SH3TC2: variants seen among roughly 807,000 people sequenced by gnomAD.
The protein encoded by SH3TC2 is SH3 domain and tetratricopeptide repeats 2, also known as SH3 domain and tetratricopeptide repeat-containing protein 2.
SH3TC2 carries 87 observed loss-of-function variants against 124.5 expected under a neutral mutation model. The ratio of observed to expected loss-of-function variants is 0.70; its 90% CI spans 0.59 to 0.84. The LOEUF is 0.84. SH3TC2 is among the 40% of genes least tolerant of loss of function. SH3TC2 has a pLI of 0.00. For synonymous variants in SH3TC2, 634 were observed against 628.5 expected (o/e 1.01, Z -0.13); for missense variants, 1,536 against 1,566.4 (o/e 0.98, Z 0.33).
intron 12 of SH3TC2, among the ~76,000 whole-genome samples, chr5:149,018,950 C>T (rs961458667): frequency 1.3e-5 from 2 of 152,212 alleles, no homozygotes; most frequent in Admixed American, 6.5e-5. Flanking sequence ...CTACAAACCT[C>T]CCCCTACAGA....
chr5:149,060,964 T>C (rs1013824939), intron 1 of SH3TC2, among the ~76,000 whole-genome samples: 6 of 152,042 alleles, frequency 3.9e-5, no homozygotes, highest in Non-Finnish European at 8.8e-5. Flanking sequence ...CTAGGATAAA[T>C]AGGGGAATCT....
chr5:149,031,104 A>G (rs1754184144), intron 9 of SH3TC2, among the ~76,000 whole-genome samples: 1 of 152,208 alleles, frequency 6.6e-6, no homozygotes, highest in South Asian at 2.1e-4. Context: ...TTCTTATCCT[A>G]GCTCAGGCAC....
chr5:149,058,578 T>A (rs977828945), intron 1 of SH3TC2, among the ~76,000 whole-genome samples: 6 of 152,076 alleles, frequency 3.9e-5, no homozygotes, highest in East Asian at 1.9e-4. Flanking sequence ...TTTTTTTTTT[T>A]AATATACTTG....
intron 9 of SH3TC2, among the ~76,000 whole-genome samples, chr5:149,030,609 G>A (rs1450212879): frequency 6.6e-6 from 1 of 152,250 alleles, no homozygotes; most frequent in Non-Finnish European, 1.5e-5. Context: ...CTTGTGGCAA[G>A]AAAGCTCTGC....
rs575621364 is a variant in SH3TC2, at chr5:148,988,504, G to A, written c.*16207C>T. Among the ~76,000 whole-genome samples, 11 of 152,306 alleles carry A rather than the reference G, an allele frequency of 7.2e-5. No individual in the cohort carries two copies. In the South Asian group the frequency reaches 2.3e-3, roughly 32 times the overall value. On this transcript the variant is annotated 3_prime_UTR_variant, in exon 17 of 17. Transcript: ENST00000515425. ...TAATCTCCTGGAATGCTAGCTCTTG[G>A]AATGCACTCTCTTGGAACCAGCCAC...
In SH3TC2 at chr5:149,027,416, A is replaced by G; in HGVS notation, c.2316T>C (p.Ser772=). The G allele has an allele frequency of 6.2e-7, 1 of 1,614,126 alleles. No homozygotes were observed. The highest frequency in any genetic ancestry group is 1.3e-5 in the African/African-American group (1 of 75,056). ...TCAGGTAGTGGATGGCACCGTCAGG[A>G]GACCTGTGCTCGAGGTACACTTTGG... is the stretch of plus-strand genomic sequence containing the variant. ...ILSKVYLEHR[S]PDGAIHYLSQ... The change falls in exon 11 of 17, where the codon TCT becomes TCC. Residue 772 remains serine, a synonymous_variant. Coordinates refer to ENST00000515425, the MANE Select transcript of SH3TC2 (RefSeq NM_024577.4).
chr5:149,023,583 C>T (rs1580897625), intron 12 of SH3TC2, among the ~76,000 whole-genome samples: 1 of 107,258 alleles, frequency 9.3e-6, no homozygotes, highest in Non-Finnish European at 1.9e-5. Context: ...TAGTGTAATC[C>T]TTTTTTTTTT....
At position 149,023,583 on chromosome 5, in the gene SH3TC2, C is replaced by CTTTT. The variant is rs5872108; in HGVS notation, c.3053+2985_3053+2988dup. ...TATAACCTTCAATAATAGTGTAATC[C>CTTTT]TTTTTTTTTTTTTTTTTTGAGAGAC... On this transcript the variant is annotated intron_variant, in intron 12 of 16. Coordinates refer to ENST00000515425, the MANE Select transcript of SH3TC2 (RefSeq NM_024577.4). Among the ~76,000 whole-genome samples, 13 of 107,246 alleles carry CTTTT rather than the reference C, an allele frequency of 1.2e-4. No individual in the cohort carries two copies. In the East Asian group the frequency reaches 3.2e-3, roughly 27 times the overall value. The allele number at this position is 107,246 out of a possible 152,430, so 70.4% of individuals were successfully genotyped here.
In SH3TC2 at chr5:149,001,015, T is replaced by G. The variant is rs928806569; in HGVS notation, c.*3696A>C. On this transcript the variant is annotated 3_prime_UTR_variant, in exon 17 of 17. Coordinates refer to ENST00000515425, the MANE Select transcript of SH3TC2 (RefSeq NM_024577.4). ...ACTTGCCCAAGGTCGCACTGCAATTTAATATCAAAATCAAGACCAAAATAC... is the reference window on the plus strand; with the variant it reads ...ACTTGCCCAAGGTCGCACTGCAATTGAATATCAAAATCAAGACCAAAATAC... Among the ~76,000 whole-genome samples the G allele has an allele frequency of 6.6e-6, 1 of 152,136 alleles. No individual in the cohort carries two copies. The highest frequency in any genetic ancestry group is 1.5e-5 in the Non-Finnish European group (1 of 68,022).
intron 12 of SH3TC2, among the ~76,000 whole-genome samples, chr5:149,013,392 C>A (rs900826654): frequency 1.3e-5 from 2 of 152,170 alleles, no homozygotes; most frequent in Non-Finnish European, 2.9e-5. Context: ...GCCTCCCCAG[C>A]CATATGGAAC....
rs1754386112 is a variant in SH3TC2 at position 149,042,380 on chromosome 5, T to C, written c.529+314A>G. 3.3e-5 allele frequency among the ~76,000 whole-genome samples: 5 copies of C among 152,230 alleles called. No homozygotes were observed. The South Asian group carries it at 1.0e-3, about 32-fold the overall frequency. On this transcript the variant is annotated intron_variant, in intron 5 of 16. Transcript: ENST00000515425. ...GACATTAGACTTATGTGGAAAACTT[T>C]CCAAAATATGCCAATACTTGGGCCT... is the stretch of plus-strand genomic sequence containing the variant.
chr5:149,056,678 C>T (rs1422352441), intron 1 of SH3TC2, among the ~76,000 whole-genome samples: 1 of 151,976 alleles, frequency 6.6e-6, no homozygotes, highest in Non-Finnish European at 1.5e-5. Context: ...ATCCCATGAG[C>T]CAGAAGGGCA....
At chr5:149,030,162 T>G (rs925499291) in intron 9 of SH3TC2, among the ~76,000 whole-genome samples, 1 of 152,188 alleles carries the variant, frequency 6.6e-6, no homozygotes, top group Admixed American at 6.5e-5. Context: ...CCACCTCTTC[T>G]CTTCTGGCCA....
In SH3TC2 at chr5:148,994,337, A is replaced by C. The variant is rs1247180550; in HGVS notation, c.*10374T>G. 1.3e-5 allele frequency among the ~76,000 whole-genome samples: 2 copies of C among 152,228 alleles called. No individual in the cohort carries two copies. The highest frequency in any genetic ancestry group is 4.8e-5 in the African/African-American group (2 of 41,448). On this transcript the variant is annotated 3_prime_UTR_variant, in exon 17 of 17. Transcript: ENST00000515425. ...CAATTACTTCTTGCAGGTAGGAGAA[A>C]TTAAGAGAAGTCAATGATATAATAA...
chr5:149,037,456 C>A (rs1754301830), intron 8 of SH3TC2, among the ~76,000 whole-genome samples: 1 of 152,212 alleles, frequency 6.6e-6, no homozygotes, highest in Non-Finnish European at 1.5e-5. Flanking sequence ...TTACAGGGAG[C>A]TTCTGCCCCT....
chr5:149,023,014 A>G (rs1048388589), intron 12 of SH3TC2, among the ~76,000 whole-genome samples: 2 of 152,242 alleles, frequency 1.3e-5, no homozygotes, highest in African/African-American at 4.8e-5. Context: ...TTCATACTTC[A>G]AAAGGCTGAA....
Position 149,000,806 on chromosome 5 carries a change from G to A in SH3TC2, c.*3905C>T, listed in dbSNP as rs900425111. Among the ~76,000 whole-genome samples, 2 of 152,126 alleles carry A rather than the reference G, an allele frequency of 1.3e-5. No individual in the cohort carries two copies. The highest frequency in any genetic ancestry group is 4.8e-5 in the African/African-American group (2 of 41,430). On this transcript the variant is annotated 3_prime_UTR_variant, in exon 17 of 17. Coordinates refer to ENST00000515425, the MANE Select transcript of SH3TC2 (RefSeq NM_024577.4). ...GTGTCTGGGAGAAAGTTACCCTTCT[G>A]TTCCTCAGTTTACTCACCTGTAAAA...
rs114694386 is a variant in SH3TC2, at chr5:148,988,445, G to T, written c.*16266C>A. ...AGATGTGACACTGTGTGACTTCTGA[G>T]GCCAGGTCATAGGAAGCTTTGCAGC... is the stretch of plus-strand genomic sequence containing the variant. On this transcript the variant is annotated 3_prime_UTR_variant, in exon 17 of 17. Coordinates refer to ENST00000515425, the MANE Select transcript of SH3TC2 (RefSeq NM_024577.4). Among the ~76,000 whole-genome samples, 17 of 152,278 alleles carry T rather than the reference G, an allele frequency of 1.1e-4. No individual in the cohort carries two copies. Among genetic ancestry groups the T allele is most frequent in the African/African-American group, 4.1e-4 (17 of 41,544 alleles).
At position 149,010,350 on chromosome 5, in the gene SH3TC2, C is replaced by G; in HGVS notation, c.3247G>C (p.Ala1083Pro). ...CCTGCTTCTTCATAAAGTTTGAGAG[C>G]CAGCAAAGGCTCCTCTGACTTCAGG... ...TALKSEEPLL[A>P]LKLYEEAGDV... Residue 1083 changes from alanine to proline, a missense_variant, in exon 14 of 17, where the codon GCT (alanine) becomes CCT (proline). Coordinates refer to ENST00000515425, the MANE Select transcript of SH3TC2 (RefSeq NM_024577.4). The G allele has an allele frequency of 1.9e-6, 3 of 1,614,000 alleles. No individual in the cohort carries two copies. The highest frequency in any genetic ancestry group is 2.7e-5 in the African/African-American group (2 of 75,022).
Sources: gnomAD v4.1 joint callset for allele counts (sites outside exome capture counted in the v4.1 genomes callset) on GRCh38, gnomAD v4.1.1 for gene constraint, MANE v1.5 for transcripts, NCBI Gene and HGNC (gene_info 2026-07-23, HGNC 2026-07-21) for gene names.